Variants in PRDM16 observed in about 807,000 individuals in gnomAD.
PRDM16 encodes PR/SET domain 16.
PRDM16 carries 23 observed loss-of-function variants against 110.6 expected under a neutral mutation model. The ratio of observed to expected loss-of-function variants is 0.21; its 90% CI spans 0.15 to 0.29. The LOEUF (loss-of-function observed/expected upper bound fraction) is 0.29, where lower values mean the gene tolerates loss of function less well. PRDM16 is among the 10% of genes least tolerant of loss of function. PRDM16 has a pLI of 1.00. For synonymous variants in PRDM16, 799 were observed against 781.8 expected (o/e 1.02, Z -0.37); for missense variants, 1,615 against 1,794.3 (o/e 0.90, Z 1.81).
rs995477999 is a variant in PRDM16, at chr1:3,382,893, G to C, written c.439-2259G>C. The stretch of plus-strand genomic sequence containing the variant: ...AGAAGTGGACCCATGGGCTGGGGAC[G>C]GGACTGGGATACTGCCAGCCCCATG... On this transcript the variant is annotated intron_variant, in intron 3 of 16. Coordinates refer to ENST00000270722, the MANE Select transcript of PRDM16 (RefSeq NM_022114.4). This position sits in a 1 kb window ranked among gnomAD's most constrained non-coding sequence, Gnocchi z 6.6. Among the ~76,000 whole-genome samples, 4 of 152,200 alleles carry C rather than the reference G, an allele frequency of 2.6e-5. No individual in the cohort carries two copies. Among genetic ancestry groups the C allele is most frequent in the Admixed American group, 2.0e-4 (3 of 15,284 alleles).
chr1:3,395,635 C>T (rs886410505), intron 4 of PRDM16, among the ~76,000 whole-genome samples: 3 of 152,202 alleles, frequency 2.0e-5, no homozygotes, highest in Non-Finnish European at 4.4e-5. Context: ...CTTGTGCTGG[C>T]GGCATGGCCC....
chr1:3,348,940 A>G (rs561116633), intron 3 of PRDM16, among the ~76,000 whole-genome samples: 159 of 152,094 alleles, frequency 1.0e-3, no homozygotes, highest in African/African-American at 3.7e-3. Flanking sequence ...CCTCACTTTG[A>G]GAGGCATTAA....
chr1:3,290,849 A>AGGGCCCGGAGCACTGG lies in PRDM16; in HGVS notation c.438+46720_438+46735dup, dbSNP rs1553158565. On this transcript the variant is annotated intron_variant, in intron 3 of 16. Transcript: ENST00000270722. This position sits in a 1 kb window ranked among gnomAD's most constrained non-coding sequence, Gnocchi z 4.8. ...CCACATAATGCCGCTCTGTTTGGGA[A>AGGGCCCGGAGCACTGG]GGGCCCGGAGCACTGGGGGCCCGAG... Among the ~76,000 whole-genome samples, 1 of 151,888 alleles carries AGGGCCCGGAGCACTGG rather than the reference A, an allele frequency of 6.6e-6. No homozygotes were observed. Among genetic ancestry groups the AGGGCCCGGAGCACTGG allele is most frequent in the Non-Finnish European group, 1.5e-5 (1 of 68,002 alleles).
At chr1:3,173,699 C>T (rs1198567919) in intron 1 of PRDM16, among the ~76,000 whole-genome samples, 2 of 152,238 alleles carry the variant, frequency 1.3e-5, no homozygotes, top group Non-Finnish European at 2.9e-5. Context: ...CCCTTGGCAG[C>T]GGATGTGCTT....
intron 3 of PRDM16, among the ~76,000 whole-genome samples, chr1:3,258,803 C>T (rs1261839556): frequency 2.0e-5 from 3 of 152,226 alleles, no homozygotes; most frequent in Admixed American, 2.0e-4. Context: ...GAGCGCGCGG[C>T]GGCTTCTGCC....
At chr1:3,322,784 C>T (rs1054573335) in intron 3 of PRDM16, among the ~76,000 whole-genome samples, 1 of 152,354 alleles carries the variant, frequency 6.6e-6, no homozygotes, top group East Asian at 1.9e-4. Flanking sequence ...CCACCAGCAC[C>T]TCCTCAGTGC....
chr1:3,181,656 GGTCTTACACAGTCTTACACGCGCA>G (rs1644196171), intron 1 of PRDM16, among the ~76,000 whole-genome samples: 1 of 117,380 alleles, frequency 8.5e-6, no homozygotes, highest in Non-Finnish European at 1.7e-5. Context: ...TCTTACACAC[GGTCTTACACAGTCTTACACGCGCA>G]GTCTTACACA....
intron 3 of PRDM16, chr1:3,310,111 A>G (rs182294388): frequency 3.2e-4 from 49 of 152,330 alleles, no homozygotes; most frequent in African/African-American, 1.1e-3. Flanking sequence ...AAAAGTCAAC[A>G]TGTGGCCACA....
At chr1:3,417,160 T>C (rs1367864920) in intron 10 of PRDM16, among the ~76,000 whole-genome samples, 1 of 152,258 alleles carries the variant, frequency 6.6e-6, no homozygotes, top group African/African-American at 2.4e-5. Flanking sequence ...GAGAGGCAGC[T>C]CCTGTTGCCC....
intron 3 of PRDM16, among the ~76,000 whole-genome samples, chr1:3,355,838 G>A (rs1224180578): frequency 2.0e-5 from 3 of 152,162 alleles, no homozygotes; most frequent in Non-Finnish European, 4.4e-5. Flanking sequence ...GGCCAGTCCT[G>A]CCCGCCCAGC....
chr1:3,146,511 G>A (rs1397365973), intron 1 of PRDM16, among the ~76,000 whole-genome samples: 1 of 150,366 alleles, frequency 6.7e-6, no homozygotes, highest in Non-Finnish European at 1.5e-5. Flanking sequence ...GTGCAAGTGT[G>A]TGTGCTCGGT....
At chr1:3,433,395 G>A (rs1034362621) in intron 16 of PRDM16, among the ~76,000 whole-genome samples, 39 of 152,366 alleles carry the variant, frequency 2.6e-4, no homozygotes, top group Non-Finnish European at 4.7e-4. Flanking sequence ...GGCTGGGAAC[G>A]GACGAGGCTT....
At chr1:3,109,569 C>T (rs1451249989) in intron 1 of PRDM16, among the ~76,000 whole-genome samples, 1 of 152,224 alleles carries the variant, frequency 6.6e-6, no homozygotes, top group East Asian at 1.9e-4. Flanking sequence ...GCATCACAGA[C>T]CATTAGACCG....
At chr1:3,419,707 T>C (rs1226994705) in intron 12 of PRDM16, among the ~76,000 whole-genome samples, 3 of 152,052 alleles carry the variant, frequency 2.0e-5, no homozygotes, top group African/African-American at 4.8e-5. Flanking sequence ...GGCCACATGA[T>C]AGTGCAGGCA....
At chr1:3,225,294 G>A (rs996247968) in intron 2 of PRDM16, among the ~76,000 whole-genome samples, 17 of 152,218 alleles carry the variant, frequency 1.1e-4, no homozygotes, top group South Asian at 4.1e-4. Flanking sequence ...AAACACTAGC[G>A]GGAAAAGTGC....
intron 8 of PRDM16, 71 bp downstream of exon 8, chr1:3,405,719 G>T: frequency 6.9e-7 from 1 of 1,452,026 alleles, no homozygotes; most frequent in Non-Finnish European, 9.2e-7. Flanking sequence ...GCCGAGGTGG[G>T]CCATCCCCCA....
At chr1:3,275,223 T>C (rs924457866) in intron 3 of PRDM16, among the ~76,000 whole-genome samples, 2 of 152,262 alleles carry the variant, frequency 1.3e-5, no homozygotes, top group African/African-American at 4.8e-5. Flanking sequence ...AACCTGAGTT[T>C]GCCAGAATCC....
intron 12 of PRDM16, among the ~76,000 whole-genome samples, chr1:3,419,554 A>C (rs181855461): frequency 6.6e-6 from 1 of 152,284 alleles, no homozygotes; most frequent in Admixed American, 6.5e-5. Context: ...GCGAATGGGG[A>C]AACGCTGGTT....
chr1:3,270,527 C>T lies in PRDM16; in HGVS notation c.438+26390C>T, dbSNP rs140890474. ...ACAGTCCCGGGGGAGGACAATCAGG[C>T]GGAAGACAGTCCTGGAGGAAGACAG... On this transcript the variant is annotated intron_variant, in intron 3 of 16. Coordinates refer to ENST00000270722, the MANE Select transcript of PRDM16 (RefSeq NM_022114.4). 6.2e-4 allele frequency among the ~76,000 whole-genome samples: 87 copies of T among 140,022 alleles called. No individual in the cohort carries two copies. The East Asian group carries it at 0.012, about 19-fold the overall frequency. The allele number at this position is 140,022 out of a possible 152,430, so 91.9% of individuals were successfully genotyped here.
Sources: gnomAD v4.1 joint callset for allele counts (sites outside exome capture counted in the v4.1 genomes callset) on GRCh38, gnomAD v4.1.1 for gene constraint, Gnocchi (gnomAD v3.1) non-coding constraint, MANE v1.5 for transcripts, NCBI Gene and HGNC (gene_info 2026-07-23, HGNC 2026-07-21) for gene names.